Variants in HTR3A observed in about 807,000 individuals in gnomAD.
HTR3A encodes the protein 5-hydroxytryptamine receptor 3A.
A neutral mutation model predicts 54.8 loss-of-function variants in HTR3A; 45 were observed. The ratio of observed to expected loss-of-function variants is 0.82; its 90% CI spans 0.65 to 1.05. The LOEUF is 1.05. Ranked by LOEUF, HTR3A falls within the 50% of genes least tolerant of loss-of-function variation. The pLI, the probability that HTR3A is intolerant of heterozygous loss-of-function variation, is 0.00. For synonymous variants in HTR3A, 297 were observed against 256.0 expected (o/e 1.16, Z -1.53); for missense variants, 657 against 614.0 (o/e 1.07, Z -0.74).
intron 6 of HTR3A, 136 bp downstream of exon 6, chr11:113,986,311 GA>G: frequency 8.3e-7 from 1 of 1,212,022 alleles, no homozygotes. Flanking sequence ...CAGTGAAGTA[GA>G]TGGAGAAACT....
intron 1 of HTR3A, among the ~76,000 whole-genome samples, chr11:113,977,155 T>G (rs1039065601): frequency 1.3e-4 from 20 of 152,176 alleles, no homozygotes; most frequent in East Asian, 5.8e-4. Flanking sequence ...AGCTTGTGTG[T>G]GCCTGGGGCA....
chr11:113,976,551 G>T (rs1950352682), intron 1 of HTR3A, among the ~76,000 whole-genome samples: 1 of 144,428 alleles, frequency 6.9e-6, no homozygotes, highest in Non-Finnish European at 1.5e-5. Context: ...TTATTCCAAA[G>T]GAGACACTTA....
intron 8 of HTR3A, among the ~76,000 whole-genome samples, chr11:113,988,202 C>G (rs1950514888): frequency 6.6e-6 from 1 of 152,250 alleles, no homozygotes. Flanking sequence ...AGCTAGTGAA[C>G]TAGTCTGCCA....
chr11:113,987,874 G>C (rs1186815318), intron 8 of HTR3A, among the ~76,000 whole-genome samples: 2 of 152,188 alleles, frequency 1.3e-5, no homozygotes, highest in Non-Finnish European at 2.9e-5. Flanking sequence ...TGTAGTTGGT[G>C]GTGGTTAGTT....
chr11:113,988,109 T>C (rs1950513536), intron 8 of HTR3A, among the ~76,000 whole-genome samples: 1 of 152,236 alleles, frequency 6.6e-6, no homozygotes, highest in South Asian at 2.1e-4. Context: ...TCCTCTCCAC[T>C]CCACTCCCCT....
Position 113,987,016 on chromosome 11 carries a change from TC to T in HTR3A, c.1111del (p.Gln371LysfsTer89). 6.2e-7 allele frequency: 1 copy of T among 1,613,760 alleles called. No individual in the cohort carries two copies. The highest frequency in any genetic ancestry group is 8.5e-7 in the Non-Finnish European group (1 of 1,179,986). On this transcript the variant is annotated frameshift_variant, in exon 8 of 9. Transcript: ENST00000504030. LOFTEE classifies it high-confidence loss of function. The part of the protein sequence containing the change: ...QSTSQRPPAT[S>X]QATKTDDCSA... ...AACTTCCCAGAGGCCCCCAGCCACC[TC>T]CCAAGCCACCAAGACTGATGACTGC...
intron 5 of HTR3A, among the ~76,000 whole-genome samples, chr11:113,984,918 G>T (rs550219714): frequency 2.3e-5 from 2 of 88,772 alleles, no homozygotes; most frequent in African/African-American, 3.4e-5. Context: ...CTGAGACTCC[G>T]TCTCAAAAAA....
chr11:113,975,798 G>A (rs1245022976), intron 1 of HTR3A, among the ~76,000 whole-genome samples: 1 of 152,184 alleles, frequency 6.6e-6, no homozygotes, highest in Non-Finnish European at 1.5e-5. Flanking sequence ...CCCAGAGAGT[G>A]GGGAGCGGAT....
In HTR3A at chr11:113,982,016, G is replaced by A. The variant is rs528476320; in HGVS notation, c.374+704G>A. ...TGATAGTGGCTGCCACTTCTGGCCCGCAAAGGAGATTTGGAGCTGGGGGAC... is the reference window on the plus strand; with the variant it reads ...TGATAGTGGCTGCCACTTCTGGCCCACAAAGGAGATTTGGAGCTGGGGGAC... On this transcript the variant is annotated intron_variant, in intron 4 of 8. Coordinates refer to ENST00000504030, the MANE Select transcript of HTR3A (RefSeq NM_000869.6). 7.9e-5 allele frequency among the ~76,000 whole-genome samples: 12 copies of A among 151,178 alleles called. No homozygotes were observed. In the East Asian group the frequency reaches 1.8e-3, roughly 22 times the overall value.
In HTR3A at chr11:113,989,881, G is replaced by A; in HGVS notation, c.*118G>A. ...GGGACATTTTCAAGACACAGACAAA[G>A]TCCCGTGCCCTGTTTCCAATGCCAA... is the stretch of plus-strand genomic sequence containing the variant. On this transcript the variant is annotated 3_prime_UTR_variant, in exon 9 of 9. Coordinates refer to ENST00000504030, the MANE Select transcript of HTR3A (RefSeq NM_000869.6). This position sits in a 1 kb window ranked among gnomAD's most constrained non-coding sequence, Gnocchi z 4.4. 8.7e-7 allele frequency: 1 copy of A among 1,146,808 alleles called. No homozygotes were observed. The highest frequency in any genetic ancestry group is 1.3e-6 in the Non-Finnish European group (1 of 774,776). The allele number at this position is 1,146,808 out of a possible 1,614,324, so 71.0% of individuals were successfully genotyped here. A position where few individuals can be genotyped will look rare whatever the true frequency, so the allele number is the denominator to read the frequency against.
chr11:113,989,352 GA>G lies in HTR3A; in HGVS notation c.1139-104del, dbSNP rs561799833. On this transcript the variant is annotated intron_variant, in intron 8 of 8. Coordinates refer to ENST00000504030, the MANE Select transcript of HTR3A (RefSeq NM_000869.6). This position sits in a 1 kb window ranked among gnomAD's most constrained non-coding sequence, Gnocchi z 4.4. The stretch of plus-strand genomic sequence containing the variant: ...CCCTCCAGCCTGGGTGACAGAGTGA[GA>G]AAAAAAAAGTTATTCCCAACAAAAA... The G allele has an allele frequency of 2.2e-4, 263 of 1,205,434 alleles. No homozygotes were observed. Among genetic ancestry groups the G allele is most frequent in the African/African-American group, 1.5e-3 (98 of 66,928 alleles). The allele number at this position is 1,205,434 out of a possible 1,614,324, so 74.7% of individuals were successfully genotyped here. A position where few individuals can be genotyped will look rare whatever the true frequency, so the allele number is the denominator to read the frequency against.
Position 113,989,774 on chromosome 11 carries a change from C to T in HTR3A, c.*11C>T, listed in dbSNP as rs1950530745. ...TGGCAGTACGCTTGAGTGGGTACAG[C>T]CCAGTGGAGGAGGGGGTACAGTCCT... On this transcript the variant is annotated 3_prime_UTR_variant, in exon 9 of 9. Coordinates refer to ENST00000504030, the MANE Select transcript of HTR3A (RefSeq NM_000869.6). The surrounding 1 kb of genome is among the most constrained non-coding windows in gnomAD (Gnocchi z 4.4). 6.2e-7 allele frequency: 1 copy of T among 1,606,632 alleles called. No homozygotes were observed. Among genetic ancestry groups the T allele is most frequent in the Admixed American group, 1.7e-5 (1 of 59,998 alleles).
chr11:113,986,520 G>A lies in HTR3A; in HGVS notation c.708G>A (p.Val236=). 6.2e-7 allele frequency: 1 copy of A among 1,612,320 alleles called. No homozygotes were observed. The highest frequency in any genetic ancestry group is 8.5e-7 in the Non-Finnish European group (1 of 1,180,008). Residue 236 remains valine, a splice_region_variant and synonymous_variant, in exon 7 of 9, where the codon GTG becomes GTA. Coordinates refer to ENST00000504030, the MANE Select transcript of HTR3A (RefSeq NM_000869.6). ...CACAAGCTCTTCTCCGGTCCCAGGT[G>A]GTCATCCGCCGGCGGCCCCTCTTCT... ...SNYYAEMKFY[V]VIRRRPLFYV...
chr11:113,990,171 A>G lies in HTR3A; in HGVS notation c.*408A>G, dbSNP rs1024903952. ...TTGAAGGCAAAACCAACTCTCTACT[A>G]CACAGGCCTGATAACTCTGTACGAG... On this transcript the variant is annotated 3_prime_UTR_variant, in exon 9 of 9. Coordinates refer to ENST00000504030, the MANE Select transcript of HTR3A (RefSeq NM_000869.6). The G allele has an allele frequency of 3.1e-5, 14 of 458,468 alleles. No individual in the cohort carries two copies. Among genetic ancestry groups the G allele is most frequent in the Non-Finnish European group, 6.1e-5 (14 of 230,116 alleles). The allele number at this position is 458,468 out of a possible 1,614,324, so 28.4% of individuals were successfully genotyped here.
Position 113,981,204 on chromosome 11 carries a change from A to G in HTR3A, c.266A>G (p.Tyr89Cys), listed in dbSNP as rs1391249684. The change falls in exon 4 of 9, where the codon TAC becomes TGC. Residue 89 changes from tyrosine (Y) to cysteine (C), a missense_variant and splice_region_variant. Transcript: ENST00000504030. ...VLTTYIWYRQ[Y>C]WTDEFLQWNP... ...TGACCATCCCTGCTCCTCCCCTAGT[A>G]CTGGACTGATGAGTTTCTCCAGTGG... is the stretch of plus-strand genomic sequence containing the variant. 2 of 1,601,090 alleles carry G rather than the reference A, an allele frequency of 1.2e-6. No individual in the cohort carries two copies. Among genetic ancestry groups the G allele is most frequent in the East Asian group, 4.5e-5 (2 of 44,816 alleles).
chr11:113,983,971 T>A (rs1248391808), intron 5 of HTR3A, among the ~76,000 whole-genome samples: 1 of 152,242 alleles, frequency 6.6e-6, no homozygotes, highest in Non-Finnish European at 1.5e-5. Context: ...CACAGCCAGC[T>A]GCTCCAGGCT....
intron 1 of HTR3A, 53 bp from the exon 2 acceptor site, chr11:113,977,718 C>A (rs946822640): frequency 6.3e-6 from 10 of 1,596,986 alleles, no homozygotes; most frequent in Non-Finnish European, 8.5e-6. Flanking sequence ...GACAAGAGAA[C>A]CGGGGGAAGT....
At chr11:113,986,442 T>C (rs1175308921) in intron 6 of HTR3A, 76 bp from the exon 7 acceptor site, 24 of 1,528,214 alleles carry the variant, frequency 1.6e-5, no homozygotes, top group Non-Finnish European at 2.1e-5. Flanking sequence ...AAACAAGGAA[T>C]CTGAGCTTGT....
rs1950367543 is a variant in HTR3A, at chr11:113,977,691, AACAGCTT to A, written c.68-76_68-70del. The A allele has an allele frequency of 2.6e-6, 4 of 1,557,834 alleles. No homozygotes were observed. The South Asian group carries it at 4.7e-5, about 18-fold the overall frequency. On this transcript the variant is annotated intron_variant, in intron 1 of 8. Transcript: ENST00000504030. ...GGGATGGTGGGGATACGTCTCTTTT[AACAGCTT>A]ACAAACCAGGACAAGAGAACCGGGG... is the stretch of plus-strand genomic sequence containing the variant.
Sources: allele counts gnomAD v4.1 joint callset (sites outside exome capture counted in the v4.1 genomes callset), GRCh38; gene constraint gnomAD v4.1.1; non-coding constraint Gnocchi (gnomAD v3.1); transcripts MANE v1.5; gene names NCBI Gene and HGNC (gene_info 2026-07-23, HGNC 2026-07-21).